The following KCTD16 variants were observed in gnomAD, a reference collection of about 807,000 sequenced individuals.
KCTD16 encodes the protein potassium channel tetramerization domain containing 16.
A neutral mutation model predicts 33.2 loss-of-function variants in KCTD16; 13 were observed. The ratio of observed to expected loss-of-function variants is 0.39; its 90% CI spans 0.25 to 0.62. The LOEUF (loss-of-function observed/expected upper bound fraction) is 0.62. Among genes scored for constraint, KCTD16 ranks in the 20% least tolerant of loss-of-function variants. The pLI is 0.50. For synonymous variants in KCTD16, 197 were observed against 195.3 expected (o/e 1.01, Z -0.07); for missense variants, 441 against 525.1 (o/e 0.84, Z 1.57).
chr5:144,441,700 C>A (rs919352821), intron 3 of KCTD16, among the ~76,000 whole-genome samples: 1 of 151,068 alleles, frequency 6.6e-6, no homozygotes, highest in Non-Finnish European at 1.5e-5. Context: ...TTATGTAGTA[C>A]CACACTGTCT....
intron 2 of KCTD16, among the ~76,000 whole-genome samples, chr5:144,200,764 G>T (rs1753028938): frequency 6.6e-6 from 1 of 152,138 alleles, no homozygotes; most frequent in Admixed American, 6.5e-5. Flanking sequence ...TTGAGGTAGG[G>T]TCTCACTCTG....
intron 2 of KCTD16, among the ~76,000 whole-genome samples, chr5:144,187,938 G>A (rs371799776): frequency 9.2e-5 from 14 of 152,074 alleles, no homozygotes; most frequent in African/African-American, 3.1e-4. Context: ...CAGTAACCAC[G>A]TCTCCAGCCC....
chr5:144,376,435 A>C (rs1014916719), intron 3 of KCTD16, among the ~76,000 whole-genome samples: 2 of 152,078 alleles, frequency 1.3e-5, no homozygotes, highest in African/African-American at 4.8e-5. Flanking sequence ...ATTTGATAAG[A>C]CCTCCACTGG....
chr5:144,287,400 G>A (rs1755774799), intron 3 of KCTD16, among the ~76,000 whole-genome samples: 1 of 150,646 alleles, frequency 6.6e-6, no homozygotes. Context: ...TGCTCCTTGT[G>A]GTTGGAAGAC....
At chr5:144,183,234 A>G (rs1340940809) in intron 2 of KCTD16, among the ~76,000 whole-genome samples, 1 of 152,184 alleles carries the variant, frequency 6.6e-6, no homozygotes, top group Non-Finnish European at 1.5e-5. Flanking sequence ...ATGTTATTCA[A>G]TTACTAGTGG....
intron 3 of KCTD16, among the ~76,000 whole-genome samples, chr5:144,259,102 C>CA (rs1334001276): frequency 3.3e-5 from 5 of 151,550 alleles, no homozygotes; most frequent in Admixed American, 6.6e-5. Context: ...ACTAAAAATA[C>CA]AAAAAATTAG....
chr5:144,402,107 CTGTCTT>C (rs1398332168), intron 3 of KCTD16, among the ~76,000 whole-genome samples: 4 of 152,164 alleles, frequency 2.6e-5, no homozygotes, highest in Non-Finnish European at 4.4e-5. Flanking sequence ...TTCTCATATT[CTGTCTT>C]TAGAAGAACA....
At chr5:144,418,076 A>G (rs961183437) in intron 3 of KCTD16, among the ~76,000 whole-genome samples, 59 of 152,114 alleles carry the variant, frequency 3.9e-4, no homozygotes, top group African/African-American at 1.4e-3. Context: ...CAGCTCTTAA[A>G]GGTGGTGTCT....
intron 3 of KCTD16, among the ~76,000 whole-genome samples, chr5:144,261,559 C>T (rs578008305): frequency 2.6e-4 from 39 of 152,334 alleles, no homozygotes; most frequent in African/African-American, 9.1e-4. Flanking sequence ...CTCATCACCT[C>T]TCTCCATAGA....
intron 3 of KCTD16, among the ~76,000 whole-genome samples, chr5:144,398,577 G>A (rs1487697242): frequency 6.6e-6 from 1 of 152,018 alleles, no homozygotes; most frequent in Non-Finnish European, 1.5e-5. Flanking sequence ...TCTTATATCC[G>A]CAAGTTGTTT....
At position 144,267,642 on chromosome 5, in the gene KCTD16, T is replaced by C. The variant is rs1561548155; in HGVS notation, c.832+60096T>C. The stretch of plus-strand genomic sequence containing the variant: ...TGTATTTAGGGGTCAACATTTTCTT[T>C]CCCATTCTTCTTACAAAGTTTCCAC... On this transcript the variant is annotated intron_variant, in intron 3 of 3. Coordinates refer to ENST00000512467, the MANE Select transcript of KCTD16 (RefSeq NM_020768.4). 2.6e-5 allele frequency among the ~76,000 whole-genome samples: 4 copies of C among 152,282 alleles called. No homozygotes were observed. In the East Asian group the frequency reaches 5.8e-4, roughly 22 times the overall value.
chr5:144,296,801 T>A (rs1204182117), intron 3 of KCTD16, among the ~76,000 whole-genome samples: 4 of 152,218 alleles, frequency 2.6e-5, no homozygotes, highest in African/African-American at 7.2e-5. Context: ...TTTCAATTAC[T>A]AACTTTCCTT....
intron 3 of KCTD16, among the ~76,000 whole-genome samples, chr5:144,269,231 A>C (rs1178023298): frequency 6.6e-6 from 1 of 152,030 alleles, no homozygotes; most frequent in Non-Finnish European, 1.5e-5. Context: ...CATGAATGTA[A>C]ACATCCAAGG....
At chr5:144,218,562 A>C (rs1297936871) in intron 3 of KCTD16, among the ~76,000 whole-genome samples, 2 of 152,138 alleles carry the variant, frequency 1.3e-5, no homozygotes, top group Admixed American at 1.3e-4. Context: ...TTAACTCTTC[A>C]GGTTTCTCTC....
intron 3 of KCTD16, among the ~76,000 whole-genome samples, chr5:144,217,064 G>A (rs571500423): frequency 1.3e-5 from 2 of 152,220 alleles, no homozygotes; most frequent in African/African-American, 4.8e-5. Context: ...ATGTGGCAGA[G>A]GCATGGAATT....
At chr5:144,391,829 C>T (rs963993888) in intron 3 of KCTD16, among the ~76,000 whole-genome samples, 2 of 152,200 alleles carry the variant, frequency 1.3e-5, no homozygotes, top group African/African-American at 2.4e-5. Context: ...CTTTCTGCTA[C>T]ACAAATGTTA....
intron 3 of KCTD16, among the ~76,000 whole-genome samples, chr5:144,211,526 A>G (rs539741225): frequency 2.0e-5 from 3 of 152,164 alleles, no homozygotes; most frequent in African/African-American, 4.8e-5. Context: ...TATTGTATAC[A>G]ATTACATTAG....
chr5:144,198,655 A>T (rs1264322201), intron 2 of KCTD16, among the ~76,000 whole-genome samples: 1 of 152,202 alleles, frequency 6.6e-6, no homozygotes, highest in East Asian at 1.9e-4. Flanking sequence ...CTGTAAAATG[A>T]TGTGATCTGT....
intron 3 of KCTD16, among the ~76,000 whole-genome samples, chr5:144,319,253 A>G (rs1417660272): frequency 6.6e-6 from 1 of 152,158 alleles, no homozygotes; most frequent in Non-Finnish European, 1.5e-5. Context: ...GAAAAGTTCC[A>G]TTTTATTTAC....
Sources: gnomAD v4.1 joint callset for allele counts (sites outside exome capture counted in the v4.1 genomes callset) on GRCh38, gnomAD v4.1.1 for gene constraint, MANE v1.5 for transcripts, NCBI Gene and HGNC (gene_info 2026-07-23, HGNC 2026-07-21) for gene names.